Variants in NRXN1 observed in about 807,000 individuals in gnomAD.
NRXN1 encodes neurexin 1.
NRXN1 carries 39 observed loss-of-function variants against 150.9 expected under a neutral mutation model. That is an observed-to-expected ratio of 0.26 (90% CI 0.20 to 0.34). The LOEUF is 0.34. Ranked by LOEUF, NRXN1 falls within the 10% of genes least tolerant of loss-of-function variation. The probability of loss-of-function intolerance (pLI) is 1.00; values close to 1 mark genes in which losing one functional copy is unlikely to be tolerated. For missense variants in NRXN1, 1,815 were observed against 1,949.9 expected (o/e 0.93, Z 1.30); for synonymous variants, 924 against 757.0 (o/e 1.22, Z -3.62).
intron 17 of NRXN1, among the ~76,000 whole-genome samples, chr2:50,430,990 T>C (rs757650212): frequency 3.3e-5 from 5 of 152,172 alleles, no homozygotes; most frequent in East Asian, 1.9e-4. Flanking sequence ...TGTGAATGCA[T>C]ACATCACTGC....
intron 18 of NRXN1, among the ~76,000 whole-genome samples, chr2:50,156,942 C>T (rs902808315): frequency 1.3e-5 from 2 of 152,004 alleles, no homozygotes. Flanking sequence ...AGAACAATAA[C>T]AACTAATATT....
intron 2 of NRXN1, among the ~76,000 whole-genome samples, chr2:50,974,267 C>CTATT (rs1488239226): frequency 6.6e-6 from 1 of 152,130 alleles, no homozygotes; most frequent in East Asian, 1.9e-4. Flanking sequence ...AAATGAGCTT[C>CTATT]TATTCCATGT....
intron 10 of NRXN1, among the ~76,000 whole-genome samples, chr2:50,533,924 T>G (rs1016057648): frequency 1.3e-5 from 2 of 152,156 alleles, no homozygotes; most frequent in African/African-American, 2.4e-5. Flanking sequence ...TCATTTCACT[T>G]TGTTGAAATG....
At chr2:50,665,363 T>C (rs1687876587) in intron 5 of NRXN1, among the ~76,000 whole-genome samples, 1 of 151,982 alleles carries the variant, frequency 6.6e-6, no homozygotes. Context: ...TTTAAACAGA[T>C]AAATGCCAAC....
At chr2:51,019,352 T>C (rs1428972828) in intron 2 of NRXN1, among the ~76,000 whole-genome samples, 1 of 152,110 alleles carries the variant, frequency 6.6e-6, no homozygotes, top group Non-Finnish European at 1.5e-5. Flanking sequence ...GTAGACAAAG[T>C]ACACTGCATA....
intron 22 of NRXN1, among the ~76,000 whole-genome samples, chr2:49,927,016 T>C (rs925653239): frequency 1.3e-5 from 2 of 152,186 alleles, no homozygotes; most frequent in Non-Finnish European, 1.5e-5. Context: ...TCCTGAATTA[T>C]CCTTGTAGGG....
intron 5 of NRXN1, among the ~76,000 whole-genome samples, chr2:50,756,241 T>A (rs1323754163): frequency 6.6e-6 from 1 of 151,624 alleles, no homozygotes. Context: ...GTCACCCTAC[T>A]CTCTAGGTAT....
At chr2:50,431,881 C>T (rs1440466599) in intron 17 of NRXN1, among the ~76,000 whole-genome samples, 4 of 152,030 alleles carry the variant, frequency 2.6e-5, no homozygotes, top group Non-Finnish European at 5.9e-5. Flanking sequence ...TTGCTGTTCC[C>T]AGCACTTTCA....
chr2:50,005,014 C>A (rs927696572), intron 21 of NRXN1, among the ~76,000 whole-genome samples: 1 of 152,098 alleles, frequency 6.6e-6, no homozygotes. Context: ...AGTGGGACAG[C>A]CTGTTGCCCT....
chr2:50,544,205 CAA>C (rs1311607784), intron 9 of NRXN1, among the ~76,000 whole-genome samples: 3 of 149,794 alleles, frequency 2.0e-5, no homozygotes, highest in Non-Finnish European at 3.0e-5. Context: ...ATAACAAATT[CAA>C]ACTTGATGAA....
chr2:50,733,748 A>G (rs1698386403), intron 5 of NRXN1, among the ~76,000 whole-genome samples: 1 of 152,200 alleles, frequency 6.6e-6, no homozygotes, highest in Non-Finnish European at 1.5e-5. Context: ...ACCATTGAAA[A>G]TGAGGTTAAA....
chr2:50,696,951 T>C (rs144136216), intron 5 of NRXN1, among the ~76,000 whole-genome samples: 1 of 152,156 alleles, frequency 6.6e-6, no homozygotes, highest in Admixed American at 6.6e-5. Context: ...GCATTGTTAA[T>C]TTCCACTTTT....
chr2:50,849,947 TG>T (rs1674266418), intron 5 of NRXN1, among the ~76,000 whole-genome samples: 1 of 152,118 alleles, frequency 6.6e-6, no homozygotes, highest in Admixed American at 6.5e-5. Flanking sequence ...TGCTCATACC[TG>T]TAATCCCAAC....
chr2:49,970,678 G>A (rs535588038), intron 21 of NRXN1: 182 of 152,160 alleles, frequency 1.2e-3, no homozygotes, highest in African/African-American at 4.3e-3. Flanking sequence ...GTCAATACTG[G>A]TAACTCTAGT....
intron 17 of NRXN1, among the ~76,000 whole-genome samples, chr2:50,446,162 A>G (rs529098859): frequency 6.6e-6 from 1 of 152,182 alleles, no homozygotes. Flanking sequence ...CTTCATCAAG[A>G]CACATAGTTG....
chr2:50,887,124 T>C (rs1680369813), intron 5 of NRXN1, among the ~76,000 whole-genome samples: 3 of 151,474 alleles, frequency 2.0e-5, no homozygotes, highest in African/African-American at 7.2e-5. Flanking sequence ...ACTAGTTTTA[T>C]TTTATTCACT....
At chr2:50,599,232 C>T (rs1287104742) in intron 8 of NRXN1, among the ~76,000 whole-genome samples, 1 of 152,114 alleles carries the variant, frequency 6.6e-6, no homozygotes, top group Non-Finnish European at 1.5e-5. Flanking sequence ...AAATCCTAGG[C>T]AGTATTACTA....
At chr2:49,972,314 G>A (rs188228805) in intron 21 of NRXN1, among the ~76,000 whole-genome samples, 3 of 152,110 alleles carry the variant, frequency 2.0e-5, no homozygotes, top group Non-Finnish European at 4.4e-5. Context: ...AATTTGAACT[G>A]GGTATTGGTC....
intron 2 of NRXN1, among the ~76,000 whole-genome samples, chr2:50,959,015 T>A (rs1407439394): frequency 6.6e-6 from 1 of 152,138 alleles, no homozygotes; most frequent in African/African-American, 2.4e-5. Flanking sequence ...AGAATTTTTG[T>A]GTCTACATTC....
Sources: gnomAD v4.1 joint callset for allele counts (sites outside exome capture counted in the v4.1 genomes callset) on GRCh38, gnomAD v4.1.1 for gene constraint, MANE v1.5 for transcripts, NCBI Gene and HGNC (gene_info 2026-07-23, HGNC 2026-07-21) for gene names.